DEPDC4: variants seen among roughly 807,000 people sequenced by gnomAD.
The protein encoded by DEPDC4 is DEP domain-containing protein 4.
A neutral mutation model predicts 52.0 loss-of-function variants in DEPDC4; 52 were observed. That is an observed-to-expected ratio of 1.00 (90% confidence interval 0.80 to 1.26). The LOEUF is 1.26. DEPDC4 is among the 50% of genes most tolerant of loss of function. The pLI is 0.00. For synonymous variants in DEPDC4, 201 were observed against 196.8 expected (o/e 1.02, Z -0.18); for missense variants, 530 against 546.9 (o/e 0.97, Z 0.31).
chr12:100,267,437 G>T (rs932610555), upstream of DEPDC4: 4 of 184,060 alleles, frequency 2.2e-5, no homozygotes, highest in Non-Finnish European at 4.6e-5. Context: ...CTCCCTCACC[G>T]GCGGCTCTCT....
chr12:100,253,633 T>A lies in DEPDC4; in HGVS notation c.961A>T (p.Met321Leu). 1 of 1,289,786 alleles carries A rather than the reference T, an allele frequency of 7.8e-7. No individual in the cohort carries two copies. The highest frequency in any genetic ancestry group is 1.0e-6 in the Non-Finnish European group (1 of 988,872). 79.9% of individuals were successfully genotyped at this position (1,289,786 alleles called of 1,614,324 possible). ...QLIVTVSQQL[M>L]QNRNEETRLN... is the part of the protein sequence containing the mutation. ...CTTGTCTCTTCATTTCTGTTTTGCA[T>A]TAACTGCTGACTAACTGTAACTATT... Residue 321 changes from methionine to leucine, a missense_variant, in exon 5 of 10, where the codon ATG (methionine) becomes TTG (leucine). Transcript: ENST00000550587.
the DEPDC4 span, among the ~76,000 whole-genome samples, chr12:100,281,585 G>A: frequency 1.3e-5 from 2 of 152,142 alleles, no homozygotes; most frequent in African/African-American, 4.8e-5. Flanking sequence ...TGTAATCCCA[G>A]CACTTTGGGA....
chr12:100,267,277 A>C, upstream of DEPDC4: 3 of 587,388 alleles, frequency 5.1e-6, no homozygotes, highest in Non-Finnish European at 8.9e-6. Flanking sequence ...GGCGGAGGAT[A>C]TGGAGTAAAG....
downstream of DEPDC4, among the ~76,000 whole-genome samples, chr12:100,235,417 G>A (rs924843416): frequency 6.7e-6 from 1 of 149,930 alleles, no homozygotes; most frequent in African/African-American, 2.5e-5. Flanking sequence ...GGGAACAGGT[G>A]GTATTTGGTT....
chr12:100,264,042 G>A, intron 1 of DEPDC4, 149 bp from the exon 2 acceptor site: 1 of 727,016 alleles, frequency 1.4e-6, no homozygotes, highest in Non-Finnish European at 2.2e-6. Flanking sequence ...ATAAACTATA[G>A]TATATTTACT....
At chr12:100,235,973 T>C (rs753718035), downstream of DEPDC4, among the ~76,000 whole-genome samples, 1 of 152,246 alleles carries the variant, frequency 6.6e-6, no homozygotes, top group Non-Finnish European at 1.5e-5. Flanking sequence ...TTACTTCACA[T>C]AGAATAATGG....
At chr12:100,246,655 G>A (rs2096186727) in intron 8 of DEPDC4, among the ~76,000 whole-genome samples, 1 of 152,164 alleles carries the variant, frequency 6.6e-6, no homozygotes, top group Non-Finnish European at 1.5e-5. Flanking sequence ...CAAGTAATCA[G>A]GCCAGGCACA....
In DEPDC4 at chr12:100,267,019, A is replaced by G. The variant is rs1455388549; in HGVS notation, c.58T>C (p.Phe20Leu). 7.4e-6 allele frequency: 12 copies of G among 1,613,390 alleles called. No homozygotes were observed. The highest frequency in any genetic ancestry group is 1.0e-5 in the Non-Finnish European group (12 of 1,179,716). ...TCGTTCTGACTGACAAGTCTACGGAACCTCGGAGTCAAAAGAACCGCCATA... is the reference window on the plus strand; with the variant it reads ...TCGTTCTGACTGACAAGTCTACGGAGCCTCGGAGTCAAAAGAACCGCCATA... ...ELMAVLLTPR[F>L]RRLVSQNELP... Residue 20 changes from phenylalanine (F) to leucine (L), a missense_variant, in exon 1 of 10, where the codon TTC becomes CTC. Phe to Leu is a conservative substitution (Grantham distance 22, BLOSUM62 0). Coordinates refer to ENST00000550587, the MANE Select transcript of DEPDC4 (RefSeq NM_001364818.2).
intron 4 of DEPDC4, among the ~76,000 whole-genome samples, chr12:100,254,319 CTT>C (rs67921438): frequency 0.23 from 20,585 of 89,412 alleles, 1,756 homozygotes; most frequent in Middle Eastern, 0.3. Flanking sequence ...TTTTTTTTGA[CTT>C]TTTTTTTTTT....
chr12:100,249,150 T>A (rs538216786), intron 7 of DEPDC4, among the ~76,000 whole-genome samples, 172 bp from the exon 8 acceptor site: 2 of 152,292 alleles, frequency 1.3e-5, no homozygotes, highest in Admixed American at 6.5e-5. Context: ...TTCTTGAAAT[T>A]TTTTTAGCAC....
chr12:100,239,648 G>A (rs1307601050), downstream of DEPDC4, among the ~76,000 whole-genome samples: 1 of 151,776 alleles, frequency 6.6e-6, no homozygotes, highest in African/African-American at 2.4e-5. Context: ...GCATCCCAAT[G>A]TGCTGGGATT....
the DEPDC4 span, among the ~76,000 whole-genome samples, chr12:100,280,649 C>G: frequency 0.12 from 18,575 of 152,130 alleles, 1,519 homozygotes; most frequent in Non-Finnish European, 0.18. Flanking sequence ...GTTGAATATC[C>G]CTAATCCAAA....
upstream of DEPDC4, among the ~76,000 whole-genome samples, chr12:100,269,331 T>C (rs2096284617): frequency 6.6e-6 from 1 of 152,040 alleles, no homozygotes; most frequent in Non-Finnish European, 1.5e-5. Context: ...TCCTTTCTTT[T>C]TTTAGCCAAT....
the DEPDC4 span, among the ~76,000 whole-genome samples, chr12:100,276,952 C>A: frequency 6.6e-6 from 1 of 151,994 alleles, no homozygotes; most frequent in Non-Finnish European, 1.5e-5. Flanking sequence ...CATTTTCATT[C>A]TCTTCAAAAT....
chr12:100,257,755 C>T (rs1393403015), intron 3 of DEPDC4: 1 of 152,182 alleles, frequency 6.6e-6, no homozygotes, highest in Non-Finnish European at 1.5e-5. Flanking sequence ...TGGTTGTTAT[C>T]AATTAGTTGT....
chr12:100,260,214 G>A (rs948409455), intron 3 of DEPDC4, among the ~76,000 whole-genome samples: 18 of 151,740 alleles, frequency 1.2e-4, no homozygotes, highest in African/African-American at 3.4e-4. Context: ...TTTGCCTCCC[G>A]GGTTCAAGTG....
At position 100,264,449 on chromosome 12, in the gene DEPDC4, C is replaced by CA. The variant is rs2096264703; in HGVS notation, c.158-557dup. ...ATCCCAGCATTTTCAGAAGCCGAGGCAGGCAGATCACCTGAGGTCAGGAGT... is the reference window on the plus strand; with the variant it reads ...ATCCCAGCATTTTCAGAAGCCGAGGCAAGGCAGATCACCTGAGGTCAGGAGT... On this transcript the variant is annotated intron_variant, in intron 1 of 9. Transcript: ENST00000550587. Among the ~76,000 whole-genome samples the CA allele has an allele frequency of 2.0e-5, 3 of 152,206 alleles. No homozygotes were observed. The South Asian group carries it at 6.2e-4, about 32-fold the overall frequency.
chr12:100,259,079 A>ATATATATATAT (rs1407814890), intron 3 of DEPDC4, among the ~76,000 whole-genome samples: 24 of 139,654 alleles, frequency 1.7e-4, no homozygotes, highest in Middle Eastern at 3.9e-3. Context: ...TCAAAAAAAA[A>ATATATATATAT]AAATATATAT....
Position 100,266,023 on chromosome 12 carries a change from G to C in DEPDC4, c.157+897C>G, listed in dbSNP as rs1171423254. ...GCATCATTCCACAAAGAAACCTATA[G>C]TTCGCAGTCATTCTTCATTCTTCCG... On this transcript the variant is annotated intron_variant, in intron 1 of 9. Coordinates refer to ENST00000550587, the MANE Select transcript of DEPDC4 (RefSeq NM_001364818.2). Among the ~76,000 whole-genome samples the C allele has an allele frequency of 2.0e-5, 3 of 151,860 alleles. No individual in the cohort carries two copies. In the East Asian group the frequency reaches 5.8e-4, roughly 29 times the overall value.
Sources: allele counts gnomAD v4.1 joint callset (sites outside exome capture counted in the v4.1 genomes callset), GRCh38; gene constraint gnomAD v4.1.1; transcripts MANE v1.5; gene names NCBI Gene and HGNC (gene_info 2026-07-23, HGNC 2026-07-21).